The following PCDH15 variants were observed in gnomAD, a reference collection of about 807,000 sequenced individuals.
PCDH15 encodes the protein protocadherin-15.
Under a neutral mutation model 178.5 loss-of-function variants are expected in PCDH15, and 129 were observed. The observed-to-expected ratio is 0.72, with a 90% CI of 0.63 to 0.84. PCDH15 has a LOEUF of 0.84. PCDH15 is among the 40% of genes least tolerant of loss of function. PCDH15 has a pLI of 0.00. For synonymous variants in PCDH15, 800 were observed against 732.0 expected, an observed-to-expected ratio of 1.09 and a Z score of -1.50; for missense variants, 2,230 against 2,099.9, an observed-to-expected ratio of 1.06 and a Z score of -1.21.
chr10:53,995,566 G>A (rs761876186), intron 21 of PCDH15, 83 bp downstream of exon 21: 40 of 1,610,870 alleles, frequency 2.5e-5, no homozygotes, highest in Non-Finnish European at 3.3e-5. Flanking sequence ...GACTACTTTT[G>A]CTGTCTTGTG....
In PCDH15 at chr10:55,302,756, T is replaced by C. The variant is rs150029826; in HGVS notation, c.-156+16843A>G. Among the ~76,000 whole-genome samples the C allele has an allele frequency of 4.5e-3, 680 of 152,282 alleles. 8 individuals carry two copies. Among genetic ancestry groups the C allele is most frequent in the African/African-American group, 0.015 (634 of 41,570 alleles). On this transcript the variant is annotated intron_variant, in intron 1 of 5. Coordinates refer to the PCDH15 transcript ENST00000458638. ...TCCTAACCTTTATGTATACCTAGTT[T>C]ATTTAAATATAAAATTAAACATCAA...
chr10:53,833,961 T>C (rs1312340319), intron 29 of PCDH15, among the ~76,000 whole-genome samples: 1 of 152,120 alleles, frequency 6.6e-6, no homozygotes, highest in East Asian at 1.9e-4. Context: ...ATTTATAAAT[T>C]AGGCACAGTA....
At chr10:53,871,477 T>TGTGTGTGA (rs1220123008) in intron 26 of PCDH15, among the ~76,000 whole-genome samples, 1 of 151,520 alleles carries the variant, frequency 6.6e-6, no homozygotes, top group Non-Finnish European at 1.5e-5. Context: ...TGTGTGTGTG[T>TGTGTGTGA]GTGTATATAC....
intron 26 of PCDH15, among the ~76,000 whole-genome samples, chr10:53,894,214 T>C (rs552585574): frequency 1.3e-5 from 2 of 152,178 alleles, no homozygotes; most frequent in African/African-American, 4.8e-5. Context: ...AACAGTATAA[T>C]TGGTTTAAGT....
rs535361855 is a variant in PCDH15 at position 54,943,928 on chromosome 10, A to T, written c.-79-46428T>A. 9.2e-5 allele frequency among the ~76,000 whole-genome samples: 14 copies of T among 151,998 alleles called. No individual in the cohort carries two copies. The South Asian group carries it at 2.9e-3, about 31-fold the overall frequency. On this transcript the variant is annotated intron_variant, in intron 2 of 5. Coordinates refer to the PCDH15 transcript ENST00000458638. ...AAAGAGAAGATAAAAGACATGGTTTAAAGGGAGTTTCTATCCCACAGCAAG... is the reference window on the plus strand; with the variant it reads ...AAAGAGAAGATAAAAGACATGGTTTTAAGGGAGTTTCTATCCCACAGCAAG...
At position 54,282,051 on chromosome 10, in the gene PCDH15, T is replaced by C. The variant is rs755700137; in HGVS notation, c.876+35220A>G. Among the ~76,000 whole-genome samples, 24 of 152,124 alleles carry C rather than the reference T, an allele frequency of 1.6e-4. 1 individual carries two copies. The highest frequency in any genetic ancestry group is 1.6e-3 in the Admixed American group (24 of 15,238). ...TGACTTTGTGCTCTTTGACATTTACTACTACAGACTGTTGCTAAGTCCAGG... is the reference window on the plus strand; with the variant it reads ...TGACTTTGTGCTCTTTGACATTTACCACTACAGACTGTTGCTAAGTCCAGG... On this transcript the variant is annotated intron_variant, in intron 8 of 37. Coordinates refer to ENST00000644397, the MANE Select transcript of PCDH15 (RefSeq NM_001384140.1).
At chr10:54,577,871 TAA>T (rs1352905487) in intron 2 of PCDH15, among the ~76,000 whole-genome samples, 9 of 150,590 alleles carry the variant, frequency 6.0e-5, no homozygotes, top group African/African-American at 2.2e-4. Context: ...AATAAATAAA[TAA>T]ATAAATAAAT....
intron 26 of PCDH15, among the ~76,000 whole-genome samples, chr10:53,888,202 A>C (rs1195430340): frequency 3.4e-5 from 5 of 149,168 alleles, no homozygotes; most frequent in Non-Finnish European, 5.9e-5. Flanking sequence ...AAATATGTTC[A>C]CCTCTGCTCA....
chr10:54,400,926 G>T (rs536637005), intron 3 of PCDH15, among the ~76,000 whole-genome samples: 2 of 152,030 alleles, frequency 1.3e-5, no homozygotes, highest in African/African-American at 4.8e-5. Context: ...TATAGGTATT[G>T]TTCATCTAGT....
chr10:54,683,801 A>G (rs1414934576), intron 1 of PCDH15, among the ~76,000 whole-genome samples: 3 of 152,072 alleles, frequency 2.0e-5, no homozygotes, highest in Non-Finnish European at 4.4e-5. Context: ...CTGAGTTGCA[A>G]TCCTGACTCT....
At chr10:54,796,889 A>T (rs1056275132) in intron 1 of PCDH15, among the ~76,000 whole-genome samples, 1 of 152,056 alleles carries the variant, frequency 6.6e-6, no homozygotes, top group African/African-American at 2.4e-5. Context: ...AAGTTGAAGA[A>T]ATAAGTCCCT....
intron 12 of PCDH15, among the ~76,000 whole-genome samples, chr10:54,184,006 G>A (rs979701427): frequency 2.6e-5 from 4 of 152,082 alleles, no homozygotes; most frequent in African/African-American, 9.7e-5. Flanking sequence ...CATCAGGAAG[G>A]TAGACTTCCT....
chr10:54,409,256 G>T (rs567133417), intron 3 of PCDH15, among the ~76,000 whole-genome samples: 1 of 152,064 alleles, frequency 6.6e-6, no homozygotes, highest in Non-Finnish European at 1.5e-5. Flanking sequence ...TGTGAAAATG[G>T]CCAAATATAC....
chr10:54,032,926 A>C (rs2093333503), intron 18 of PCDH15, among the ~76,000 whole-genome samples: 1 of 151,928 alleles, frequency 6.6e-6, no homozygotes, highest in African/African-American at 2.4e-5. Context: ...AGGAACTCCC[A>C]ATCACTTATA....
intron 1 of PCDH15, among the ~76,000 whole-genome samples, chr10:55,249,262 G>A (rs1841768607): frequency 6.6e-6 from 1 of 152,156 alleles, no homozygotes; most frequent in South Asian, 2.1e-4. Context: ...TCTCTAGATA[G>A]ATAAAGGACT....
chr10:55,442,883 G>C (rs534400614), intron 2 of PCDH15, among the ~76,000 whole-genome samples: 1 of 151,988 alleles, frequency 6.6e-6, no homozygotes, highest in Non-Finnish European at 1.5e-5. Context: ...ATCACGTTTT[G>C]TCCCAATTTT....
rs149156855 is a variant in PCDH15, at chr10:53,814,082, G to A, written c.4491+2157C>T. Among the ~76,000 whole-genome samples the A allele has an allele frequency of 3.1e-3, 475 of 152,252 alleles. 3 individuals carry two copies. Among genetic ancestry groups the A allele is most frequent in the African/African-American group, 0.011 (452 of 41,546 alleles). ...TAAGTTATTTCAAACTAAGTACTTTGTAAAAACGTTTCCTGGAGGTAAGCT... is the reference window on the plus strand; with the variant it reads ...TAAGTTATTTCAAACTAAGTACTTTATAAAAACGTTTCCTGGAGGTAAGCT... On this transcript the variant is annotated intron_variant, in intron 35 of 37. Coordinates refer to ENST00000644397, the MANE Select transcript of PCDH15 (RefSeq NM_001384140.1).
chr10:55,261,818 T>C (rs1842150356), intron 1 of PCDH15, among the ~76,000 whole-genome samples: 1 of 152,174 alleles, frequency 6.6e-6, no homozygotes, highest in South Asian at 2.1e-4. Flanking sequence ...ATGTGTGTCT[T>C]ACGTCATTCA....
chr10:54,884,810 AT>A (rs1279087693), intron 3 of PCDH15, among the ~76,000 whole-genome samples: 3 of 152,048 alleles, frequency 2.0e-5, no homozygotes, highest in Admixed American at 6.6e-5. Context: ...CTAAAGCCAA[AT>A]TCTTATTTGC....
Sources: allele counts gnomAD v4.1 joint callset (sites outside exome capture counted in the v4.1 genomes callset), GRCh38; gene constraint gnomAD v4.1.1; transcripts MANE v1.5; gene names NCBI Gene and HGNC (gene_info 2026-07-23, HGNC 2026-07-21).